The following NRG3 variants were observed in gnomAD, a reference collection of about 807,000 sequenced individuals.
NRG3 encodes the protein neuregulin 3, also known as pro-neuregulin-3, membrane-bound isoform.
In NRG3, 31 loss-of-function variants were observed where a neutral mutation model predicts 66.9. The observed-to-expected ratio is 0.46, with a 90% confidence interval of 0.35 to 0.63. The LOEUF (loss-of-function observed/expected upper bound fraction) is 0.63, where lower values mean the gene tolerates loss of function less well. Among genes scored for constraint, NRG3 ranks in the 20% least tolerant of loss-of-function variants. The probability of loss-of-function intolerance (pLI) is 0.00; values close to 1 mark genes in which losing one functional copy is unlikely to be tolerated. For synonymous variants in NRG3, 393 were observed against 359.4 expected (o/e 1.09, Z -1.06); for missense variants, 910 against 878.9 (o/e 1.04, Z -0.45).
At chr10:82,339,684 G>T (rs531367531) in intron 1 of NRG3, among the ~76,000 whole-genome samples, 1 of 152,146 alleles carries the variant, frequency 6.6e-6, no homozygotes, top group South Asian at 2.1e-4. Context: ...ACATGTTGAG[G>T]TTCAAATGTC....
chr10:82,002,391 A>T (rs1289257128), intron 1 of NRG3, among the ~76,000 whole-genome samples: 2 of 152,162 alleles, frequency 1.3e-5, no homozygotes, highest in Non-Finnish European at 2.9e-5. Context: ...CTGTCTCTTC[A>T]TGGACCCACT....
chr10:82,361,700 A>C (rs2135621584), intron 2 of NRG3, among the ~76,000 whole-genome samples: 1 of 152,252 alleles, frequency 6.6e-6, no homozygotes, highest in East Asian at 1.9e-4. Context: ...ATCGTTAGGA[A>C]ATTTTAAAAA....
intron 4 of NRG3, among the ~76,000 whole-genome samples, chr10:82,918,004 ATC>A (rs763741112): frequency 0.058 from 7,808 of 134,386 alleles, 338 homozygotes; most frequent in Admixed American, 0.14. Flanking sequence ...GTATGTATGT[ATC>A]TCTCTCTATA....
chr10:82,071,071 G>C (rs2224112), intron 1 of NRG3, among the ~76,000 whole-genome samples: 123,064 of 152,078 alleles, frequency 0.81, 49,896 homozygotes, highest in South Asian at 0.86. Context: ...ACTCTGCCCC[G>C]ATAGTACCCT....
At chr10:82,915,462 G>T (rs1349910529) in intron 4 of NRG3, among the ~76,000 whole-genome samples, 2 of 152,090 alleles carry the variant, frequency 1.3e-5, no homozygotes, top group Non-Finnish European at 2.9e-5. Context: ...TTTCATATTT[G>T]AAATACAGTA....
chr10:82,412,677 T>C (rs1292858308), intron 2 of NRG3, among the ~76,000 whole-genome samples: 1 of 152,198 alleles, frequency 6.6e-6, no homozygotes, highest in African/African-American at 2.4e-5. Context: ...TGTTGCTTAA[T>C]AGCATTTTAC....
intron 2 of NRG3, among the ~76,000 whole-genome samples, chr10:82,647,273 C>T (rs1431202661): frequency 5.9e-5 from 9 of 151,912 alleles, no homozygotes; most frequent in East Asian, 1.9e-4. Flanking sequence ...TTTGTTCTTG[C>T]GATAGTTTAC....
intron 2 of NRG3, among the ~76,000 whole-genome samples, chr10:82,527,543 TAAG>T (rs1006148639): frequency 2.0e-5 from 3 of 152,124 alleles, no homozygotes; most frequent in Non-Finnish European, 4.4e-5. Context: ...ATTTGACAAA[TAAG>T]AAGATTTTTA....
At chr10:82,730,213 T>C (rs2057830377) in intron 2 of NRG3, among the ~76,000 whole-genome samples, 1 of 151,686 alleles carries the variant, frequency 6.6e-6, no homozygotes, top group South Asian at 2.1e-4. Flanking sequence ...GCCTCCCAGG[T>C]AGCTGAGACT....
chr10:82,698,807 G>A (rs2055607542), intron 2 of NRG3, among the ~76,000 whole-genome samples: 1 of 152,032 alleles, frequency 6.6e-6, no homozygotes, highest in Admixed American at 6.6e-5. Flanking sequence ...ATTTGCGTCA[G>A]TACTGCTTCT....
At chr10:81,912,549 A>G (rs1845268600) in intron 1 of NRG3, among the ~76,000 whole-genome samples, 1 of 152,202 alleles carries the variant, frequency 6.6e-6, no homozygotes, top group South Asian at 2.1e-4. Context: ...TGTATCGATT[A>G]TTCTAAAACG....
At chr10:82,366,547 G>A (rs2135694215) in intron 2 of NRG3, among the ~76,000 whole-genome samples, 1 of 152,134 alleles carries the variant, frequency 6.6e-6, no homozygotes, top group South Asian at 2.1e-4. Context: ...ACTCTTCATG[G>A]GTTTAAAGGA....
intron 1 of NRG3, among the ~76,000 whole-genome samples, chr10:82,293,552 T>G (rs1247034975): frequency 1.3e-5 from 2 of 152,218 alleles, no homozygotes; most frequent in Non-Finnish European, 2.9e-5. Flanking sequence ...GTGAATTATA[T>G]GACCAATTTT....
intron 1 of NRG3, among the ~76,000 whole-genome samples, chr10:81,950,607 C>T (rs1054297218): frequency 9.9e-5 from 15 of 152,082 alleles, no homozygotes; most frequent in East Asian, 1.9e-4. Flanking sequence ...CCTCATTGTA[C>T]GGGAAGGTAA....
rs71009811 is a variant in NRG3, at chr10:82,522,039, CTTTT to C, written c.953+163190_953+163193del. On this transcript the variant is annotated intron_variant, in intron 2 of 8. Coordinates refer to ENST00000372141, the MANE Select transcript of NRG3 (RefSeq NM_001010848.4). ...TCTGCAGTTACTTTTCCGCTGAAGT[CTTTT>C]TTTTTTTTTTTTTTTTTTGAGACAG... Among the ~76,000 whole-genome samples, 466 of 97,742 alleles carry C rather than the reference CTTTT, an allele frequency of 4.8e-3. 5 individuals carry two copies. The highest frequency in any genetic ancestry group is 0.016 in the African/African-American group (448 of 27,538). 64.1% of individuals were successfully genotyped at this position (97,742 alleles called of 152,430 possible).
intron 1 of NRG3, among the ~76,000 whole-genome samples, chr10:82,091,388 T>A (rs1196241926): frequency 2.0e-5 from 3 of 152,154 alleles, no homozygotes; most frequent in Non-Finnish European, 4.4e-5. Context: ...ATTTGCCTGT[T>A]TTAGGTAGCT....
chr10:82,884,988 G>T (rs189759868), intron 4 of NRG3, among the ~76,000 whole-genome samples: 3 of 152,278 alleles, frequency 2.0e-5, no homozygotes, highest in African/African-American at 7.2e-5. Flanking sequence ...ACTGAGATGG[G>T]CGTGGATGTC....
chr10:82,355,261 A>G lies in NRG3; in HGVS notation c.824-3478A>G, dbSNP rs148635730. On this transcript the variant is annotated intron_variant, in intron 1 of 8. Coordinates refer to ENST00000372141, the MANE Select transcript of NRG3 (RefSeq NM_001010848.4). The stretch of plus-strand genomic sequence containing the variant: ...AGATCTTATCCATGTTCTCATTCTC[A>G]CAAATGTTCCGTGTTTCTTCTTCAG... Among the ~76,000 whole-genome samples, 883 of 152,318 alleles carry G rather than the reference A, an allele frequency of 5.8e-3. 7 individuals carry two copies. The highest frequency in any genetic ancestry group is 8.3e-3 in the Non-Finnish European group (567 of 68,018).
At chr10:82,503,620 G>A (rs1844404019) in intron 2 of NRG3, among the ~76,000 whole-genome samples, 1 of 152,162 alleles carries the variant, frequency 6.6e-6, no homozygotes, top group Non-Finnish European at 1.5e-5. Context: ...ATTTAGAAAG[G>A]TAGTTTCCAG....
Sources: allele counts gnomAD v4.1 joint callset (sites outside exome capture counted in the v4.1 genomes callset), GRCh38; gene constraint gnomAD v4.1.1; transcripts MANE v1.5; gene names NCBI Gene and HGNC (gene_info 2026-07-23, HGNC 2026-07-21).